The following PTPRD variants were observed in gnomAD, a reference collection of about 807,000 sequenced individuals.
PTPRD encodes receptor-type tyrosine-protein phosphatase delta.
Under a neutral mutation model 214.5 loss-of-function variants are expected in PTPRD, and 34 were observed. The observed-to-expected ratio is 0.16, with a 90% CI of 0.12 to 0.21. PTPRD has a LOEUF of 0.21. PTPRD is among the 10% of genes least tolerant of loss of function. The pLI is 1.00. For synonymous variants in PTPRD, 1,128 were observed against 845.7 expected, an observed-to-expected ratio of 1.33 and a Z score of -5.79; for missense variants, 2,545 against 2,398.7, an observed-to-expected ratio of 1.06 and a Z score of -1.27.
At chr9:9,710,973 A>AGC (rs1713697411) in intron 7 of PTPRD, among the ~76,000 whole-genome samples, 2 of 151,194 alleles carry the variant, frequency 1.3e-5, no homozygotes, top group Non-Finnish European at 1.5e-5. Flanking sequence ...AGCGAGAGAG[A>AGC]GCGTGTGTGT....
rs146464210 is a variant in PTPRD, at chr9:10,476,929, G to A, written c.-600+135469C>T. On this transcript the variant is annotated intron_variant, in intron 2 of 45. Coordinates refer to ENST00000381196, the MANE Select transcript of PTPRD (RefSeq NM_002839.4). ...AAATGGTGCTGTAAAAACAAGGCTA[G>A]CCATATCCAGAAAACAGAAATTGGA... is the stretch of plus-strand genomic sequence containing the variant. 9.5e-4 allele frequency among the ~76,000 whole-genome samples: 144 copies of A among 152,182 alleles called. 2 individuals carry two copies. In the East Asian group the frequency reaches 0.027, roughly 29 times the overall value.
intron 3 of PTPRD, among the ~76,000 whole-genome samples, chr9:10,042,961 G>C (rs1567271093): frequency 6.6e-6 from 1 of 151,878 alleles, no homozygotes; most frequent in Non-Finnish European, 1.5e-5. Flanking sequence ...TAAGAGATCA[G>C]TAAAGAAAGA....
At chr9:9,133,731 GCA>G (rs2099846380) in intron 10 of PTPRD, among the ~76,000 whole-genome samples, 1 of 152,156 alleles carries the variant, frequency 6.6e-6, no homozygotes, top group Non-Finnish European at 1.5e-5. Flanking sequence ...TAAGGATGCT[GCA>G]CACAGACTTT....
At chr9:9,818,617 T>C (rs1238525337) in intron 5 of PTPRD, among the ~76,000 whole-genome samples, 2 of 152,066 alleles carry the variant, frequency 1.3e-5, no homozygotes, top group African/African-American at 4.8e-5. Flanking sequence ...CAAACATTAT[T>C]ATTCCAGTAA....
intron 2 of PTPRD, among the ~76,000 whole-genome samples, chr9:10,370,770 G>C (rs1330618672): frequency 6.6e-6 from 1 of 151,836 alleles, no homozygotes; most frequent in African/African-American, 2.4e-5. Context: ...AGTCTGAAAA[G>C]TCAGTTTGAT....
chr9:10,393,882 G>C lies in PTPRD; in HGVS notation c.-599-52865C>G, dbSNP rs199737218. The stretch of plus-strand genomic sequence containing the variant: ...AATCATCCTGATCCTTATGTGGCGA[G>C]TGACTAAATCCATATTGTGGATATA... On this transcript the variant is annotated intron_variant, in intron 2 of 45. Transcript: ENST00000381196. Among the ~76,000 whole-genome samples the C allele has an allele frequency of 8.0e-4, 118 of 148,404 alleles. 2 individuals are homozygous for C. In the East Asian group the frequency reaches 0.019, roughly 24 times the overall value.
intron 8 of PTPRD, among the ~76,000 whole-genome samples, chr9:9,411,903 A>G (rs2075556903): frequency 6.6e-6 from 1 of 152,234 alleles, no homozygotes; most frequent in Admixed American, 6.5e-5. Context: ...TGCAAGCAAG[A>G]GGGACCTGTG....
At chr9:9,378,717 G>T (rs1336022760) in intron 9 of PTPRD, among the ~76,000 whole-genome samples, 1 of 144,596 alleles carries the variant, frequency 6.9e-6, no homozygotes, top group Non-Finnish European at 1.5e-5. Context: ...TCTAATAGGT[G>T]TGTAGTTGTA....
At chr9:9,841,390 C>T (rs2058299430) in intron 5 of PTPRD, among the ~76,000 whole-genome samples, 1 of 151,726 alleles carries the variant, frequency 6.6e-6, no homozygotes. Context: ...GTCTTCTGTT[C>T]CTGATGTTAA....
chr9:9,379,436 G>A (rs970035999), intron 9 of PTPRD, among the ~76,000 whole-genome samples: 5 of 151,650 alleles, frequency 3.3e-5, no homozygotes, highest in African/African-American at 1.2e-4. Context: ...CTCGATTACT[G>A]TAGCTTTGTA....
At chr9:9,736,925 T>A (rs1169164604) in intron 6 of PTPRD, among the ~76,000 whole-genome samples, 1 of 152,084 alleles carries the variant, frequency 6.6e-6, no homozygotes, top group Non-Finnish European at 1.5e-5. Flanking sequence ...GAACACCTAT[T>A]GTTAATTTTA....
At chr9:9,901,361 G>A (rs925024113) in intron 5 of PTPRD, among the ~76,000 whole-genome samples, 1 of 152,042 alleles carries the variant, frequency 6.6e-6, no homozygotes, top group African/African-American at 2.4e-5. Context: ...AAAACCTAGA[G>A]GCAACATGTG....
intron 8 of PTPRD, among the ~76,000 whole-genome samples, chr9:9,566,623 A>ACC: frequency 6.6e-6 from 1 of 152,136 alleles, no homozygotes; most frequent in Non-Finnish European, 1.5e-5. Flanking sequence ...TAAAAAGGCT[A>ACC]AACACTATAA....
At chr9:9,511,326 A>T (rs1028970479) in intron 8 of PTPRD, among the ~76,000 whole-genome samples, 1 of 151,798 alleles carries the variant, frequency 6.6e-6, no homozygotes, top group African/African-American at 2.4e-5. Context: ...TTGGTATGAA[A>T]GAAGAATCTG....
intron 11 of PTPRD, among the ~76,000 whole-genome samples, chr9:8,787,306 G>C (rs1025301063): frequency 1.3e-5 from 2 of 152,120 alleles, no homozygotes; most frequent in African/African-American, 4.8e-5. Flanking sequence ...CTCTACTTGA[G>C]CAACAGCAAT....
intron 9 of PTPRD, among the ~76,000 whole-genome samples, chr9:9,263,482 T>C (rs992008528): frequency 6.6e-6 from 1 of 151,710 alleles, no homozygotes; most frequent in African/African-American, 2.4e-5. Flanking sequence ...ACATATTCCA[T>C]TCCTGAATTA....
rs552418201 is a variant in PTPRD at position 8,721,442 on chromosome 9, A to G, written c.64+12338T>C. On this transcript the variant is annotated intron_variant, in intron 12 of 45. Coordinates refer to ENST00000381196, the MANE Select transcript of PTPRD (RefSeq NM_002839.4). ...GAGACTCCATTTCAAAAAAAAAAAA[A>G]AAAGAAAGATAAAGTGTTTAAATCA... 1.4e-4 allele frequency among the ~76,000 whole-genome samples: 22 copies of G among 152,066 alleles called. No homozygotes were observed. In the South Asian group the frequency reaches 3.5e-3, roughly 24 times the overall value.
intron 5 of PTPRD, among the ~76,000 whole-genome samples, chr9:9,895,217 A>G (rs1001167582): frequency 6.6e-6 from 1 of 152,084 alleles, no homozygotes; most frequent in African/African-American, 2.4e-5. Flanking sequence ...AGAAATATAC[A>G]TACCAATAAA....
In PTPRD at chr9:9,460,316, T is replaced by A. The variant is rs144433819; in HGVS notation, c.-236-62834A>T. Among the ~76,000 whole-genome samples, 566 of 151,864 alleles carry A rather than the reference T, an allele frequency of 3.7e-3. 3 individuals are homozygous for A. The highest frequency in any genetic ancestry group is 0.012 in the African/African-American group (489 of 41,442). On this transcript the variant is annotated intron_variant, in intron 8 of 45. Transcript: ENST00000381196. ...TTATGACTAAGACCTCAAAAGCAAATGCAACAACAATAAAAATAGACAAAT... is the reference window on the plus strand; with the variant it reads ...TTATGACTAAGACCTCAAAAGCAAAAGCAACAACAATAAAAATAGACAAAT...
Sources: gnomAD v4.1 joint callset for allele counts (sites outside exome capture counted in the v4.1 genomes callset) on GRCh38, gnomAD v4.1.1 for gene constraint, MANE v1.5 for transcripts, NCBI Gene and HGNC (gene_info 2026-07-23, HGNC 2026-07-21) for gene names.